Variants in TXNRD1 observed in about 807,000 individuals in gnomAD.
TXNRD1 encodes the protein thioredoxin reductase 1, cytoplasmic.
TXNRD1 carries 57 observed loss-of-function variants against 80.3 expected under a neutral mutation model. The ratio of observed to expected loss-of-function variants is 0.71; its 90% confidence interval spans 0.57 to 0.89. The LOEUF (loss-of-function observed/expected upper bound fraction) is 0.89. Ranked by LOEUF, TXNRD1 falls within the 40% of genes least tolerant of loss-of-function variation. TXNRD1 has a pLI of 0.00. For missense variants in TXNRD1, 730 were observed against 803.0 expected (o/e 0.91, Z 1.10); for synonymous variants, 291 against 285.2 (o/e 1.02, Z -0.20).
At chr12:104,339,856 A>G (rs1234572846) in intron 16 of TXNRD1, among the ~76,000 whole-genome samples, 2 of 152,228 alleles carry the variant, frequency 1.3e-5, no homozygotes, top group Non-Finnish European at 1.5e-5. Flanking sequence ...GAGGCACGTC[A>G]TACTATACCA....
intron 3 of TXNRD1, among the ~76,000 whole-genome samples, chr12:104,267,239 T>TCC (rs1555209193): frequency 4.8e-5 from 1 of 20,770 alleles, no homozygotes; most frequent in East Asian, 3.3e-3. Context: ...TTATTTTCTT[T>TCC]TCTCTTTCTT....
chr12:104,337,207 G>A lies in TXNRD1; in HGVS notation c.1747-1932G>A, dbSNP rs148899195. Among the ~76,000 whole-genome samples the A allele has an allele frequency of 5.3e-5, 8 of 151,728 alleles. No individual in the cohort carries two copies. The East Asian group carries it at 9.6e-4, about 18-fold the overall frequency. ...TTTTAGTAGTTCCTCCTATGGATAC[G>A]CTTTATTCATACCATAAACCCGGAA... On this transcript the variant is annotated intron_variant, in intron 15 of 16. Coordinates refer to ENST00000525566, the MANE Select transcript of TXNRD1 (RefSeq NM_001093771.3).
intron 16 of TXNRD1, among the ~76,000 whole-genome samples, chr12:104,339,705 A>G (rs2036259113): frequency 6.6e-6 from 1 of 152,240 alleles, no homozygotes; most frequent in African/African-American, 2.4e-5. Flanking sequence ...AGAACTAGAA[A>G]TTGACCAATC....
At chr12:104,229,663 G>T (rs2032568905) in intron 1 of TXNRD1, among the ~76,000 whole-genome samples, 1 of 151,462 alleles carries the variant, frequency 6.6e-6, no homozygotes, top group East Asian at 1.9e-4. Flanking sequence ...CGAGATCTCA[G>T]CTCACTGCAT....
At chr12:104,257,289 G>T (rs1455896504) in intron 2 of TXNRD1, among the ~76,000 whole-genome samples, 1 of 150,876 alleles carries the variant, frequency 6.6e-6, no homozygotes, top group Non-Finnish European at 1.5e-5. Context: ...TTTTGTAACT[G>T]ATTTATTGGT....
At chr12:104,223,188 C>T (rs193063210) in intron 1 of TXNRD1, among the ~76,000 whole-genome samples, 1 of 152,232 alleles carries the variant, frequency 6.6e-6, no homozygotes, top group Non-Finnish European at 1.5e-5. Context: ...AAATGTGCTG[C>T]CAAAATTCTA....
rs1196736600 is a variant in TXNRD1, at chr12:104,294,494, G to C, written c.414+5454G>C. 2.6e-5 allele frequency among the ~76,000 whole-genome samples: 4 copies of C among 152,152 alleles called. No homozygotes were observed. The South Asian group carries it at 8.3e-4, about 32-fold the overall frequency. ...TGGTTTTTCCTAGGCTATGATTATT[G>C]AGTGAGGATTATCATAATATTGGAA... On this transcript the variant is annotated intron_variant, in intron 4 of 16. Coordinates refer to ENST00000525566, the MANE Select transcript of TXNRD1 (RefSeq NM_001093771.3).
At chr12:104,281,080 T>C (rs2033866254) in intron 3 of TXNRD1, among the ~76,000 whole-genome samples, 1 of 152,208 alleles carries the variant, frequency 6.6e-6, no homozygotes, top group African/African-American at 2.4e-5. Flanking sequence ...AATAGATCTG[T>C]TAACCCATAC....
intron 1 of TXNRD1, among the ~76,000 whole-genome samples, chr12:104,237,779 C>T (rs900211283): frequency 6.6e-6 from 1 of 152,158 alleles, no homozygotes; most frequent in African/African-American, 2.4e-5. Context: ...CTTTGGGAGG[C>T]TGAGGCAGGC....
intron 2 of TXNRD1, among the ~76,000 whole-genome samples, chr12:104,253,488 T>C (rs560390525): frequency 6.6e-6 from 1 of 152,238 alleles, no homozygotes; most frequent in East Asian, 1.9e-4. Context: ...TCTACATGAT[T>C]GGACAGGCAG....
chr12:104,290,959 C>CTT, intron 4 of TXNRD1: 2 of 617,096 alleles, frequency 3.2e-6, no homozygotes, highest in Admixed American at 2.7e-5. Context: ...GATGTTTTTT[C>CTT]TTTTTTTTTA....
In TXNRD1 at chr12:104,265,454, C is replaced by G. The variant is rs1466652995; in HGVS notation, c.304+7375C>G. 4 of 1,605,698 alleles carry G rather than the reference C, an allele frequency of 2.5e-6. No homozygotes were observed. In the East Asian group the frequency reaches 8.9e-5, roughly 36 times the overall value. ...AAGTCCCGCTTCTGGTACTTTGTATCTCAGTTAAAGAAGATGAAGAAGTCT... is the reference window on the plus strand; with the variant it reads ...AAGTCCCGCTTCTGGTACTTTGTATGTCAGTTAAAGAAGATGAAGAAGTCT... On this transcript the variant is annotated intron_variant, in intron 3 of 16. Transcript: ENST00000525566.
intron 7 of TXNRD1, among the ~76,000 whole-genome samples, chr12:104,316,272 TG>T (rs1240238231): frequency 1.3e-5 from 1 of 78,910 alleles, no homozygotes; most frequent in African/African-American, 5.0e-5. Context: ...CTGATGTTTG[TG>T]GGGGGTGGGG....
chr12:104,251,792 G>A (rs932054546), intron 2 of TXNRD1, 114 bp downstream of exon 2: 44 of 1,240,924 alleles, frequency 3.5e-5, no homozygotes, highest in African/African-American at 2.1e-4. Flanking sequence ...TAGGCTGGGC[G>A]CGGTGGCTCA....
chr12:104,329,575 G>A (rs1017657417), intron 13 of TXNRD1, among the ~76,000 whole-genome samples: 2 of 151,998 alleles, frequency 1.3e-5, no homozygotes, highest in African/African-American at 4.8e-5. Context: ...CCCGAACTTG[G>A]GAGGTGAAGG....
intron 16 of TXNRD1, chr12:104,345,956 A>T: frequency 1.6e-6 from 2 of 1,288,598 alleles, no homozygotes; most frequent in Non-Finnish European, 2.0e-6. Flanking sequence ...TTAAAAATAC[A>T]TGTTTTTATA....
At chr12:104,308,592 A>G (rs1288648319) in intron 4 of TXNRD1, among the ~76,000 whole-genome samples, 3 of 152,176 alleles carry the variant, frequency 2.0e-5, no homozygotes, top group Non-Finnish European at 4.4e-5. Flanking sequence ...CACATTAACA[A>G]GCTCTTTGGA....
chr12:104,245,158 T>C (rs1377386168), intron 1 of TXNRD1, among the ~76,000 whole-genome samples: 1 of 151,742 alleles, frequency 6.6e-6, no homozygotes, highest in Non-Finnish European at 1.5e-5. Flanking sequence ...GAGGTAGGGG[T>C]CTTTCAATGT....
At chr12:104,267,284 C>CTT (rs2033524577) in intron 3 of TXNRD1, among the ~76,000 whole-genome samples, 132 of 9,144 alleles carry the variant, frequency 0.014, no homozygotes, top group South Asian at 0.033. Flanking sequence ...TCTTTCTTTC[C>CTT]TCTTTCTGTC....
Sources: allele counts gnomAD v4.1 joint callset (sites outside exome capture counted in the v4.1 genomes callset), GRCh38; gene constraint gnomAD v4.1.1; transcripts MANE v1.5; gene names NCBI Gene and HGNC (gene_info 2026-07-23, HGNC 2026-07-21).